Variants in CDK14 observed in about 807,000 individuals in gnomAD.
CDK14 encodes cyclin dependent kinase 14.
A neutral mutation model predicts 60.7 loss-of-function variants in CDK14; 34 were observed. The ratio of observed to expected loss-of-function variants is 0.56; its 90% CI spans 0.43 to 0.75. The LOEUF (loss-of-function observed/expected upper bound fraction) is 0.75, where lower values mean the gene tolerates loss of function less well. CDK14 is among the 30% of genes least tolerant of loss of function. The pLI is 0.00. For missense variants in CDK14, 482 were observed against 564.1 expected, an observed-to-expected ratio of 0.85 and a Z score of 1.47; for synonymous variants, 197 against 203.7, an observed-to-expected ratio of 0.97 and a Z score of 0.28.
chr7:90,687,382 T>C (rs1801459000), intron 2 of CDK14, among the ~76,000 whole-genome samples: 1 of 152,102 alleles, frequency 6.6e-6, no homozygotes, highest in Non-Finnish European at 1.5e-5. Context: ...TTCTGGACTT[T>C]TGGGTTGAGG....
intron 2 of CDK14, among the ~76,000 whole-genome samples, chr7:90,640,916 A>G (rs1192173785): frequency 1.3e-5 from 2 of 152,160 alleles, no homozygotes; most frequent in African/African-American, 2.4e-5. Context: ...AGACAACCCA[A>G]TTAAAATTCT....
chr7:91,093,146 G>A (rs1027159584), intron 12 of CDK14, among the ~76,000 whole-genome samples: 2 of 152,194 alleles, frequency 1.3e-5, no homozygotes, highest in African/African-American at 4.8e-5. Flanking sequence ...ATACTCTGCA[G>A]CTCTGAGGAC....
At position 90,700,344 on chromosome 7, in the gene CDK14, G is replaced by A. The variant is rs190754298; in HGVS notation, c.124-26223G>A. Among the ~76,000 whole-genome samples, 3 of 152,144 alleles carry A rather than the reference G, an allele frequency of 2.0e-5. No individual in the cohort carries two copies. In the East Asian group the frequency reaches 5.8e-4, roughly 30 times the overall value. The stretch of plus-strand genomic sequence containing the variant: ...CTTGACCTCGCAGTCCGGCCACCTT[G>A]GCCTCCCAAAGTGCTAGGATTACAG... On this transcript the variant is annotated intron_variant, in intron 2 of 14. Transcript: ENST00000380050.
At chr7:90,629,843 A>G (rs1390823297) in intron 2 of CDK14, among the ~76,000 whole-genome samples, 2 of 152,174 alleles carry the variant, frequency 1.3e-5, no homozygotes, top group Non-Finnish European at 2.9e-5. Context: ...CCTGACCAAC[A>G]TGGTGAAACC....
chr7:90,795,089 G>A (rs1309155302), intron 5 of CDK14, among the ~76,000 whole-genome samples: 1 of 151,984 alleles, frequency 6.6e-6, no homozygotes, highest in Non-Finnish European at 1.5e-5. Context: ...ATATTTATGA[G>A]CCCAAACCCA....
At chr7:91,175,379 A>G (rs573933745) in intron 14 of CDK14, among the ~76,000 whole-genome samples, 2,712 of 152,200 alleles carry the variant, frequency 0.018, 72 homozygotes, top group African/African-American at 0.061. Flanking sequence ...GACCATCGAG[A>G]CTAGGAAGAA....
At chr7:90,752,357 C>A (rs1052954288) in intron 4 of CDK14, among the ~76,000 whole-genome samples, 1 of 151,672 alleles carries the variant, frequency 6.6e-6, no homozygotes, top group Non-Finnish European at 1.5e-5. Context: ...GAATCAATAC[C>A]AAGAGGATTT....
chr7:91,046,726 T>G (rs1186832246), intron 11 of CDK14, among the ~76,000 whole-genome samples: 1 of 152,106 alleles, frequency 6.6e-6, no homozygotes, highest in Non-Finnish European at 1.5e-5. Flanking sequence ...AAAACATGGC[T>G]TACAAAATGC....
In CDK14 at chr7:90,954,930, T is replaced by C. The variant is rs1453581190; in HGVS notation, c.827-767T>C. Among the ~76,000 whole-genome samples, 21 of 148,210 alleles carry C rather than the reference T, an allele frequency of 1.4e-4. 8 individuals are homozygous for C. The East Asian group carries it at 4.1e-3, about 29-fold the overall frequency. On this transcript the variant is annotated intron_variant, in intron 8 of 14. Transcript: ENST00000380050. ...GTGAGCCACCGCGCCCGGCCCTTTT[T>C]TTTTTTTAGAGGGAAAAAAAAACAG...
At chr7:90,668,788 A>G (rs927299562) in intron 2 of CDK14, among the ~76,000 whole-genome samples, 5 of 140,114 alleles carry the variant, frequency 3.6e-5, no homozygotes, top group African/African-American at 1.3e-4. Flanking sequence ...GGCTTACTGC[A>G]GCCTTGGTCT....
At chr7:91,116,442 A>G (rs1267051838) in intron 13 of CDK14, among the ~76,000 whole-genome samples, 1 of 152,166 alleles carries the variant, frequency 6.6e-6, no homozygotes, top group Non-Finnish European at 1.5e-5. Flanking sequence ...CTTAAGGAGC[A>G]AGTGAGGTGG....
intron 5 of CDK14, among the ~76,000 whole-genome samples, chr7:90,793,752 G>A (rs527603549): frequency 1.3e-5 from 2 of 152,234 alleles, no homozygotes; most frequent in Non-Finnish European, 2.9e-5. Context: ...TGTGGCTTGG[G>A]GCCTGCTGTC....
chr7:90,753,566 A>C (rs1317613822), intron 4 of CDK14, among the ~76,000 whole-genome samples: 1 of 152,180 alleles, frequency 6.6e-6, no homozygotes, highest in Non-Finnish European at 1.5e-5. Flanking sequence ...ATTCCTCTAC[A>C]GAACTGGAAA....
intron 10 of CDK14, among the ~76,000 whole-genome samples, chr7:91,001,313 T>G (rs1216539441): frequency 6.6e-6 from 1 of 152,196 alleles, no homozygotes; most frequent in South Asian, 2.1e-4. Context: ...GGTCTGTGTG[T>G]TCTACCAAAA....
intron 14 of CDK14, among the ~76,000 whole-genome samples, chr7:91,206,136 A>C (rs1584216850): frequency 6.6e-6 from 1 of 152,148 alleles, no homozygotes. Context: ...AATTTCTGCT[A>C]TCTGGACAAG....
chr7:91,030,983 G>A (rs944409182), intron 10 of CDK14, among the ~76,000 whole-genome samples: 1 of 152,204 alleles, frequency 6.6e-6, no homozygotes, highest in African/African-American at 2.4e-5. Context: ...TGATTTCCCT[G>A]GTGGGTGCAT....
rs1451231555 is a variant in CDK14, at chr7:91,089,523, A to T, written c.1154+10043A>T. ...CTGAACCCTATTTATGCATCTTCAC[A>T]TATGTGTATATCCATGTGGCCTGTA... On this transcript the variant is annotated intron_variant, in intron 12 of 14. Transcript: ENST00000380050. 3.3e-5 allele frequency among the ~76,000 whole-genome samples: 5 copies of T among 151,720 alleles called. No individual in the cohort carries two copies. The South Asian group carries it at 8.3e-4, about 25-fold the overall frequency.
At chr7:91,173,983 TA>T (rs1383191154) in intron 14 of CDK14, among the ~76,000 whole-genome samples, 1 of 152,204 alleles carries the variant, frequency 6.6e-6, no homozygotes, top group East Asian at 1.9e-4. Context: ...CCTGCCTCTG[TA>T]GGCTCCACCT....
intron 6 of CDK14, among the ~76,000 whole-genome samples, chr7:90,880,768 A>G (rs1791722138): frequency 6.6e-6 from 1 of 152,082 alleles, no homozygotes; most frequent in South Asian, 2.1e-4. Flanking sequence ...CTTGAGTGAC[A>G]TCTCCAGGGA....
Sources: allele counts gnomAD v4.1 joint callset (sites outside exome capture counted in the v4.1 genomes callset), GRCh38; gene constraint gnomAD v4.1.1; transcripts MANE v1.5; gene names NCBI Gene and HGNC (gene_info 2026-07-23, HGNC 2026-07-21).